Variants in LRP8 observed in about 807,000 individuals in gnomAD.
The protein encoded by LRP8 is low-density lipoprotein receptor-related protein 8.
Under a neutral mutation model 111.6 loss-of-function variants are expected in LRP8, and 46 were observed. The observed-to-expected ratio is 0.41, with a 90% confidence interval of 0.33 to 0.53. The LOEUF (loss-of-function observed/expected upper bound fraction) is 0.53. LRP8 is among the 20% of genes least tolerant of loss of function. The pLI is 0.20. For synonymous variants in LRP8, 464 were observed against 511.2 expected (o/e 0.91, Z 1.24); for missense variants, 959 against 1,297.4 (o/e 0.74, Z 4.01).
chr1:53,296,527 G>A (rs555634863), intron 2 of LRP8, among the ~76,000 whole-genome samples: 1 of 152,332 alleles, frequency 6.6e-6, no homozygotes, highest in South Asian at 2.1e-4. Context: ...GACAGAGCTC[G>A]CCATGCCCCA....
rs981658189 is a variant in LRP8, at chr1:53,303,289, T to C, written c.245-13600A>G. 2.6e-5 allele frequency among the ~76,000 whole-genome samples: 4 copies of C among 151,826 alleles called. No homozygotes were observed. Among genetic ancestry groups the C allele is most frequent in the Admixed American group, 1.3e-4 (2 of 15,252 alleles). ...GGAAAAGCATCTGGGTCCAGTGAGG[T>C]GGTGGGGAGCAGCCAGTCCTCACAG... On this transcript the variant is annotated intron_variant, in intron 2 of 18. Transcript: ENST00000306052. The surrounding 1 kb of genome is among the most constrained non-coding windows in gnomAD (Gnocchi z 4.3).
chr1:53,289,450 G>A (rs767935899), intron 3 of LRP8, 117 bp downstream of exon 3: 82 of 1,373,650 alleles, frequency 6.0e-5, no homozygotes, highest in Middle Eastern at 1.8e-4. Context: ...GGAGCGCCCT[G>A]AGTGCGTGGC....
At chr1:53,277,672 T>C (rs1179411447) in intron 4 of LRP8, among the ~76,000 whole-genome samples, 1 of 152,194 alleles carries the variant, frequency 6.6e-6, no homozygotes, top group Non-Finnish European at 1.5e-5. Flanking sequence ...AACCTACTTC[T>C]TGCCCACCAC....
chr1:53,307,701 A>G (rs1652243139), intron 2 of LRP8, among the ~76,000 whole-genome samples: 1 of 152,248 alleles, frequency 6.6e-6, no homozygotes, highest in South Asian at 2.1e-4. Context: ...AAATATGCAT[A>G]GATTTTCTTG....
intron 6 of LRP8, chr1:53,272,683 C>T (rs1382267642): frequency 1.6e-6 from 2 of 1,289,298 alleles, no homozygotes; most frequent in Non-Finnish European, 2.0e-6. Flanking sequence ...ACTGGGGGAC[C>T]CAGGGATGAC....
chr1:53,327,144 G>C, intron 1 of LRP8, 152 bp from the exon 2 acceptor site: 2 of 1,046,012 alleles, frequency 1.9e-6, no homozygotes, highest in Non-Finnish European at 2.7e-6. Context: ...TCCAAAGGGA[G>C]GGCACGATGG....
At chr1:53,288,432 G>T (rs10399827) in intron 3 of LRP8, 52,427 of 151,918 alleles carry the variant, frequency 0.35, 10,347 homozygotes, top group East Asian at 0.59. Context: ...CCACGTGGTG[G>T]GTAAGGAAAG....
chr1:53,264,566 C>T lies in LRP8; in HGVS notation c.1428-170G>A, dbSNP rs577068171. 4.6e-5 allele frequency among the ~76,000 whole-genome samples: 7 copies of T among 152,310 alleles called. No homozygotes were observed. In the South Asian group the frequency reaches 8.3e-4, roughly 18 times the overall value. On this transcript the variant is annotated intron_variant, in intron 9 of 18. Coordinates refer to ENST00000306052, the MANE Select transcript of LRP8 (RefSeq NM_004631.5). ...TCCCTGGGGTACCAGGGTAGGGGTACAGACTTACATGGGCCACGGTCTCTG... is the reference window on the plus strand; with the variant it reads ...TCCCTGGGGTACCAGGGTAGGGGTATAGACTTACATGGGCCACGGTCTCTG...
intron 2 of LRP8, among the ~76,000 whole-genome samples, chr1:53,309,981 C>T (rs1652697769): frequency 6.6e-6 from 1 of 152,140 alleles, no homozygotes; most frequent in Non-Finnish European, 1.5e-5. Flanking sequence ...AGTCCCCACG[C>T]CCCCAGCCAT....
At position 53,264,180 on chromosome 1, in the gene LRP8, G is replaced by A. The variant is rs1439571165; in HGVS notation, c.1644C>T (p.Asp548=). 17 of 1,614,128 alleles carry A rather than the reference G, an allele frequency of 1.1e-5. No homozygotes were observed. Among genetic ancestry groups the A allele is most frequent in the Non-Finnish European group, 1.4e-5 (17 of 1,180,004 alleles). Reference sequence around the variant, plus strand: ...GTTGGGACACTCACCCTCGCAGGGGGTCAACAGCGATGGCCCGGGGTTCAC... The same window carrying A: ...GTTGGGACACTCACCCTCGCAGGGGATCAACAGCGATGGCCCGGGGTTCAC... ...NLSEPRAIAV[D]PLRGFMYWSD... is the part of the protein sequence containing the mutation. The change falls in exon 10 of 19, where the codon GAC becomes GAT. Residue 548 remains aspartate, a synonymous_variant. Coordinates refer to ENST00000306052, the MANE Select transcript of LRP8 (RefSeq NM_004631.5).
At chr1:53,296,895 G>A (rs995901307) in intron 2 of LRP8, among the ~76,000 whole-genome samples, 1 of 152,192 alleles carries the variant, frequency 6.6e-6, no homozygotes, top group Non-Finnish European at 1.5e-5. Flanking sequence ...TTAAGCAGAG[G>A]AACCCTTTTC....
intron 15 of LRP8, among the ~76,000 whole-genome samples, chr1:53,256,434 G>A (rs908736556): frequency 6.6e-6 from 1 of 152,246 alleles, no homozygotes; most frequent in African/African-American, 2.4e-5. Flanking sequence ...CCTCAGATGA[G>A]AGGAACTGGA....
At chr1:53,258,207 G>T in intron 14 of LRP8, 112 bp downstream of exon 14, 2 of 1,117,372 alleles carry the variant, frequency 1.8e-6, no homozygotes, top group Non-Finnish European at 2.5e-6. Context: ...CAAGTAACCA[G>T]GGAAGATGGA....
chr1:53,299,692 C>T (rs949269312), intron 2 of LRP8, among the ~76,000 whole-genome samples: 2 of 152,236 alleles, frequency 1.3e-5, no homozygotes, highest in African/African-American at 4.8e-5. Context: ...GAGGCCTGTG[C>T]AGGGAGTCTG....
rs529595988 is a variant in LRP8, at chr1:53,287,676, T to A, written c.367+1891A>T. Among the ~76,000 whole-genome samples, 4 of 152,288 alleles carry A rather than the reference T, an allele frequency of 2.6e-5. No individual in the cohort carries two copies. The South Asian group carries it at 8.3e-4, about 32-fold the overall frequency. On this transcript the variant is annotated intron_variant, in intron 3 of 18. Coordinates refer to ENST00000306052, the MANE Select transcript of LRP8 (RefSeq NM_004631.5). ...AAGCTGTGTGTTTTTGAAGGAAGTC[T>A]ATCAACTTCTCTGGGCCTCCTGTTG... is the stretch of plus-strand genomic sequence containing the variant.
chr1:53,326,775 T>G, intron 2 of LRP8, 98 bp downstream of exon 2: 1 of 1,495,354 alleles, frequency 6.7e-7, no homozygotes, highest in Non-Finnish European at 8.9e-7. Context: ...CCCGCGCAGG[T>G]GGCAGCGCGG....
In LRP8 at chr1:53,260,631, G is replaced by C. The variant is rs1263994619; in HGVS notation, c.1915-26C>G. On this transcript the variant is annotated intron_variant, in intron 12 of 18. Coordinates refer to ENST00000306052, the MANE Select transcript of LRP8 (RefSeq NM_004631.5). ...CTGTGGGGTATAGATGCAGAGGATG[G>C]GAGGCCTGGAGTGTAAATCCATGAC... 3 of 1,609,702 alleles carry C rather than the reference G, an allele frequency of 1.9e-6. No individual in the cohort carries two copies. In the Admixed American group the frequency reaches 5.0e-5, roughly 27 times the overall value.
At chr1:53,280,233 A>T (rs1647061512) in intron 4 of LRP8, among the ~76,000 whole-genome samples, 1 of 152,144 alleles carries the variant, frequency 6.6e-6, no homozygotes, top group African/African-American at 2.4e-5. Context: ...GACTTGTGGG[A>T]TGGATGAGCA....
At chr1:53,301,157 G>C (rs1166478911) in intron 2 of LRP8, among the ~76,000 whole-genome samples, 1 of 152,158 alleles carries the variant, frequency 6.6e-6, no homozygotes, top group African/African-American at 2.4e-5. Context: ...AGAGTGGAAG[G>C]GCCCTGAAGC....
Sources: gnomAD v4.1 joint callset for allele counts (sites outside exome capture counted in the v4.1 genomes callset) on GRCh38, gnomAD v4.1.1 for gene constraint, Gnocchi (gnomAD v3.1) non-coding constraint, MANE v1.5 for transcripts, NCBI Gene and HGNC (gene_info 2026-07-23, HGNC 2026-07-21) for gene names.